CDH20: variants seen among roughly 807,000 people sequenced by gnomAD.
CDH20 encodes cadherin-20.
Under a neutral mutation model 74.2 loss-of-function variants are expected in CDH20, and 29 were observed. That is an observed-to-expected ratio of 0.39 (90% CI 0.29 to 0.53). The LOEUF (loss-of-function observed/expected upper bound fraction) is 0.53, where lower values mean the gene tolerates loss of function less well. Among genes scored for constraint, CDH20 ranks in the 20% least tolerant of loss-of-function variants. The pLI is 0.69. For synonymous variants in CDH20, 469 were observed against 405.4 expected (o/e 1.16, Z -1.88); for missense variants, 988 against 1,048.3 (o/e 0.94, Z 0.79).
chr18:61,500,227 C>T (rs1911326541), intron 3 of CDH20, among the ~76,000 whole-genome samples, 156 bp from the exon 4 acceptor site: 1 of 146,340 alleles, frequency 6.8e-6, no homozygotes, highest in African/African-American at 2.5e-5. Flanking sequence ...CCCTACTAAA[C>T]AGGTACAAGA....
intron 1 of CDH20, among the ~76,000 whole-genome samples, chr18:61,388,054 C>A (rs571109678): frequency 6.6e-6 from 1 of 152,166 alleles, no homozygotes; most frequent in African/African-American, 2.4e-5. Flanking sequence ...GCTAGCTATA[C>A]GGTAGTGTAA....
At chr18:61,429,262 T>C (rs748308248) in intron 1 of CDH20, among the ~76,000 whole-genome samples, 13 of 152,196 alleles carry the variant, frequency 8.5e-5, no homozygotes, top group Non-Finnish European at 1.5e-4. Flanking sequence ...TTTTGTTTCT[T>C]AATTGTCCTC....
At chr18:61,458,454 C>G (rs1044260034) in intron 1 of CDH20, among the ~76,000 whole-genome samples, 1 of 152,158 alleles carries the variant, frequency 6.6e-6, no homozygotes, top group Non-Finnish European at 1.5e-5. Context: ...TCTCTTCCCA[C>G]ACGAGACCAC....
chr18:61,413,003 A>G (rs1912563204), intron 1 of CDH20, among the ~76,000 whole-genome samples: 1 of 152,234 alleles, frequency 6.6e-6, no homozygotes, highest in South Asian at 2.1e-4. Flanking sequence ...AAGAAAGTGA[A>G]AGCTTAACAA....
At chr18:61,501,219 G>T (rs1911374186) in intron 4 of CDH20, among the ~76,000 whole-genome samples, 1 of 152,174 alleles carries the variant, frequency 6.6e-6, no homozygotes, top group African/African-American at 2.4e-5. Flanking sequence ...AGACAAACAG[G>T]AGTTTGGTGT....
chr18:61,416,922 C>A (rs916266616), intron 1 of CDH20, among the ~76,000 whole-genome samples: 2 of 152,120 alleles, frequency 1.3e-5, no homozygotes, highest in East Asian at 3.8e-4. Flanking sequence ...AGATATATAC[C>A]GTTTATAACT....
chr18:61,453,975 T>A (rs952866110), intron 1 of CDH20, among the ~76,000 whole-genome samples: 14 of 152,314 alleles, frequency 9.2e-5, no homozygotes, highest in East Asian at 3.9e-4. Flanking sequence ...CATTTGGTGT[T>A]GGCACTGTTT....
At chr18:61,388,730 ATTCT>A (rs1160479263) in intron 1 of CDH20, among the ~76,000 whole-genome samples, 4 of 152,204 alleles carry the variant, frequency 2.6e-5, no homozygotes, top group African/African-American at 9.6e-5. Flanking sequence ...CAAGTTAGAA[ATTCT>A]TTCAGGTATT....
chr18:61,390,196 C>T (rs1204920918), intron 1 of CDH20, among the ~76,000 whole-genome samples: 2 of 152,120 alleles, frequency 1.3e-5, no homozygotes, highest in Non-Finnish European at 2.9e-5. Context: ...GAAACAGCAC[C>T]CAGCATATGC....
At chr18:61,346,385 G>A (rs1910115206) in intron 1 of CDH20, among the ~76,000 whole-genome samples, 1 of 152,076 alleles carries the variant, frequency 6.6e-6, no homozygotes, top group Non-Finnish European at 1.5e-5. Context: ...TTGATTCTGG[G>A]CAAAAGAAAT....
chr18:61,455,124 G>T (rs913876566), intron 1 of CDH20, among the ~76,000 whole-genome samples: 5 of 152,060 alleles, frequency 3.3e-5, no homozygotes, highest in Admixed American at 6.6e-5. Context: ...TTACTAAATG[G>T]TATGACAGGC....
At chr18:61,514,833 C>A (rs1911929305) in intron 6 of CDH20, among the ~76,000 whole-genome samples, 1 of 151,824 alleles carries the variant, frequency 6.6e-6, no homozygotes, top group African/African-American at 2.4e-5. Flanking sequence ...GTCAGGGACC[C>A]ACTTGAGGAG....
At chr18:61,402,827 C>T (rs1281501080) in intron 1 of CDH20, among the ~76,000 whole-genome samples, 1 of 152,068 alleles carries the variant, frequency 6.6e-6, no homozygotes, top group Non-Finnish European at 1.5e-5. Flanking sequence ...TTTTTTACAC[C>T]AGAAAAGTTA....
At chr18:61,554,079 C>T (rs1913531142) in intron 11 of CDH20, 111 bp from the exon 12 acceptor site, 1 of 1,299,302 alleles carries the variant, frequency 7.7e-7, no homozygotes, top group Non-Finnish European at 1.1e-6. Context: ...ATCTCTGAGC[C>T]CTCCACTCGG....
At chr18:61,463,404 T>G (rs1444840870) in intron 1 of CDH20, among the ~76,000 whole-genome samples, 1 of 152,168 alleles carries the variant, frequency 6.6e-6, no homozygotes, top group Non-Finnish European at 1.5e-5. Context: ...TAAATATTGG[T>G]ACATTTTTCT....
chr18:61,392,787 TA>T (rs78892459), intron 1 of CDH20, among the ~76,000 whole-genome samples: 45,663 of 132,232 alleles, frequency 0.35, 7,081 homozygotes, highest in African/African-American at 0.38. Flanking sequence ...ATTACTATGG[TA>T]AAAAAAAAAA....
rs1295283650 is a variant in CDH20 at position 61,490,783 on chromosome 18, C to T, written c.230C>T (p.Pro77Leu). Residue 77 changes from proline to leucine, a missense_variant, in exon 2 of 12, where the codon CCT becomes CTT. Coordinates refer to ENST00000262717, the MANE Select transcript of CDH20 (RefSeq NM_031891.4). ...FVLEEYTGTDPLYVGKLHSDM... is the reference protein window; with the variant it reads ...FVLEEYTGTDLLYVGKLHSDM... ...CTGGAAGAGTACACTGGGACCGACC[C>T]TTTGTATGTCGGCAAGGTAAGAAAT... 3 of 1,614,012 alleles carry T rather than the reference C, an allele frequency of 1.9e-6. No homozygotes were observed. In the Admixed American group the frequency reaches 5.0e-5, roughly 27 times the overall value.
chr18:61,374,969 A>C (rs569007637), intron 1 of CDH20, among the ~76,000 whole-genome samples: 4 of 152,206 alleles, frequency 2.6e-5, no homozygotes, highest in African/African-American at 9.6e-5. Context: ...CAAAAAGATT[A>C]GATTAGTTGA....
chr18:61,421,416 AT>A (rs1475195705), intron 1 of CDH20, among the ~76,000 whole-genome samples: 2 of 152,308 alleles, frequency 1.3e-5, no homozygotes, highest in East Asian at 3.9e-4. Context: ...CCTACTTTAT[AT>A]TCCAAAAAAG....
Sources: allele counts gnomAD v4.1 joint callset (sites outside exome capture counted in the v4.1 genomes callset), GRCh38; gene constraint gnomAD v4.1.1; transcripts MANE v1.5; gene names NCBI Gene and HGNC (gene_info 2026-07-23, HGNC 2026-07-21).